PRKAR1B: variants seen among roughly 807,000 people sequenced by gnomAD.
PRKAR1B encodes the protein protein kinase cAMP-dependent type I regulatory subunit beta.
A neutral mutation model predicts 46.5 loss-of-function variants in PRKAR1B; 22 were observed. That is an observed-to-expected ratio of 0.47 (90% CI 0.34 to 0.68). The LOEUF (loss-of-function observed/expected upper bound fraction) is 0.68, where lower values mean the gene tolerates loss of function less well. Among genes scored for constraint, PRKAR1B ranks in the 30% least tolerant of loss-of-function variants. The pLI, the probability that PRKAR1B is intolerant of heterozygous loss-of-function variation, is 0.01. For synonymous variants in PRKAR1B, 259 were observed against 217.7 expected, an observed-to-expected ratio of 1.19 and a Z score of -1.67; for missense variants, 445 against 535.6, an observed-to-expected ratio of 0.83 and a Z score of 1.67.
At chr7:651,251 G>A (rs1438823563) in intron 4 of PRKAR1B, among the ~76,000 whole-genome samples, 1 of 152,184 alleles carries the variant, frequency 6.6e-6, no homozygotes, top group African/African-American at 2.4e-5. Context: ...TGATTGCAAG[G>A]GGCAAACCAG....
At chr7:550,743 T>C (rs1359803457) in intron 10 of PRKAR1B, 141 bp from the exon 11 acceptor site, 18 of 648,496 alleles carry the variant, frequency 2.8e-5, no homozygotes, top group Non-Finnish European at 1.5e-5. Flanking sequence ...AACAAACTTG[T>C]AGCATAAGTA....
chr7:596,364 C>T (rs1248871485), intron 6 of PRKAR1B, 60 bp from the exon 7 acceptor site: 2 of 1,549,840 alleles, frequency 1.3e-6, no homozygotes, highest in Non-Finnish European at 8.8e-7. Context: ...TCCTCTGCAT[C>T]CCATACAGAA....
At chr7:647,830 AAC>A (rs1461918016) in intron 4 of PRKAR1B, among the ~76,000 whole-genome samples, 2 of 150,468 alleles carry the variant, frequency 1.3e-5, no homozygotes. Context: ...AAAAAAAAAA[AAC>A]CTCCTCGCAT....
chr7:683,612 C>T (rs1778824667), intron 2 of PRKAR1B, among the ~76,000 whole-genome samples: 1 of 152,236 alleles, frequency 6.6e-6, no homozygotes, highest in South Asian at 2.1e-4. Context: ...CGCCATCCAT[C>T]CTGTGGGTGG....
intron 4 of PRKAR1B, among the ~76,000 whole-genome samples, chr7:612,176 G>A (rs1782546594): frequency 6.9e-6 from 1 of 145,618 alleles, no homozygotes; most frequent in Non-Finnish European, 1.5e-5. Flanking sequence ...GGACAGGTGG[G>A]TGGATGTACA....
At chr7:673,062 A>AAAAC (rs1392963422) in intron 4 of PRKAR1B, among the ~76,000 whole-genome samples, 10 of 137,708 alleles carry the variant, frequency 7.3e-5, no homozygotes, top group Admixed American at 1.4e-4. Flanking sequence ...AAAAAAAAAA[A>AAAAC]AAAAAAAAAA....
chr7:707,634 A>G (rs1008568150), intron 2 of PRKAR1B, among the ~76,000 whole-genome samples: 12 of 152,184 alleles, frequency 7.9e-5, no homozygotes, highest in Non-Finnish European at 1.5e-4. Flanking sequence ...GGAAGTTACA[A>G]GAGGTCATTG....
At chr7:699,240 TTTTCTCA>T (rs138371929) in intron 2 of PRKAR1B, among the ~76,000 whole-genome samples, 6,389 of 152,296 alleles carry the variant, frequency 0.042, 415 homozygotes, top group African/African-American at 0.13. Context: ...CAAGCACCCG[TTTTCTCA>T]TTTGTAAGAT....
At chr7:631,102 C>G (rs1377401386) in intron 4 of PRKAR1B, among the ~76,000 whole-genome samples, 1 of 152,156 alleles carries the variant, frequency 6.6e-6, no homozygotes, top group Non-Finnish European at 1.5e-5. Context: ...CAGGCACCCT[C>G]ACCAATCCCG....
intron 9 of PRKAR1B, among the ~76,000 whole-genome samples, chr7:578,059 T>C (rs188299761): frequency 3.5e-4 from 54 of 152,340 alleles, no homozygotes; most frequent in Non-Finnish European, 6.9e-4. Context: ...GGTGTTGTCA[T>C]GGCAACGGTA....
intron 1 of PRKAR1B, chr7:726,759 A>T (rs1781309180): frequency 8.0e-7 from 1 of 1,255,888 alleles, no homozygotes; most frequent in East Asian, 3.1e-5. Context: ...TGGCGGCCCC[A>T]CACCCGGCTG....
chr7:601,899 G>A (rs1281614191), intron 6 of PRKAR1B, among the ~76,000 whole-genome samples: 1 of 152,050 alleles, frequency 6.6e-6, no homozygotes, highest in Admixed American at 6.5e-5. Context: ...GCTGGGGAGG[G>A]GTAGGGACGG....
chr7:654,250 C>T (rs1013238847), intron 4 of PRKAR1B, among the ~76,000 whole-genome samples: 1 of 150,648 alleles, frequency 6.6e-6, no homozygotes, highest in African/African-American at 2.4e-5. Context: ...TCCTCATCAC[C>T]ATCATCACCA....
At chr7:587,922 TGGG>T (rs1339222689) in intron 7 of PRKAR1B, among the ~76,000 whole-genome samples, 1 of 152,134 alleles carries the variant, frequency 6.6e-6, no homozygotes, top group Non-Finnish European at 1.5e-5. Context: ...TCCAGTGAAA[TGGG>T]GGAGGAATGG....
Position 558,767 on chromosome 7 carries a change from AAAG to A in PRKAR1B, c.892-7300_892-7298del, listed in dbSNP as rs368076840. On this transcript the variant is annotated intron_variant, in intron 9 of 10. Coordinates refer to ENST00000537384, the MANE Select transcript of PRKAR1B (RefSeq NM_001164760.2). ...AAGTCCATCTCAAAAAAAGAAAAAA[AAAG>A]AAGAAGGAAAACCAGCCAAGGTCTT... 2.9e-3 allele frequency among the ~76,000 whole-genome samples: 445 copies of A among 152,288 alleles called. 3 individuals carry two copies. Among genetic ancestry groups the A allele is most frequent in the African/African-American group, 0.01 (419 of 41,560 alleles).
intron 9 of PRKAR1B, among the ~76,000 whole-genome samples, chr7:571,586 C>A (rs1280708310): frequency 6.6e-6 from 1 of 152,232 alleles, no homozygotes; most frequent in African/African-American, 2.4e-5. Flanking sequence ...CATAGCAACA[C>A]CTCCCAGGCC....
chr7:674,048 G>A (rs1344161727), intron 4 of PRKAR1B, among the ~76,000 whole-genome samples: 1 of 152,152 alleles, frequency 6.6e-6, no homozygotes, highest in African/African-American at 2.4e-5. Context: ...GGCCCTCCTG[G>A]GAAACCCAGG....
At chr7:728,392 A>G (rs568835468), upstream of PRKAR1B, among the ~76,000 whole-genome samples, 8 of 152,308 alleles carry the variant, frequency 5.3e-5, no homozygotes, top group Admixed American at 1.3e-4. Context: ...GGGGGTGTCA[A>G]TAGAAGTGAT....
intron 4 of PRKAR1B, among the ~76,000 whole-genome samples, chr7:613,628 T>G (rs917309939): frequency 2.6e-5 from 4 of 152,168 alleles, no homozygotes; most frequent in African/African-American, 9.7e-5. Flanking sequence ...TTCCGCACTG[T>G]GAATCTGCTC....
Sources: gnomAD v4.1 joint callset for allele counts (sites outside exome capture counted in the v4.1 genomes callset) on GRCh38, gnomAD v4.1.1 for gene constraint, MANE v1.5 for transcripts, NCBI Gene and HGNC (gene_info 2026-07-23, HGNC 2026-07-21) for gene names.